The following SHC4 variants were observed in gnomAD, a reference collection of about 807,000 sequenced individuals.
The protein encoded by SHC4 is SHC-transforming protein 4.
SHC4 carries 41 observed loss-of-function variants against 69.4 expected under a neutral mutation model. That is an observed-to-expected ratio of 0.59 (90% confidence interval 0.46 to 0.77). The LOEUF is 0.77. SHC4 is among the 30% of genes least tolerant of loss of function. The pLI, the probability that SHC4 is intolerant of heterozygous loss-of-function variation, is 0.00. For synonymous variants in SHC4, 318 were observed against 299.3 expected (o/e 1.06, Z -0.64); for missense variants, 777 against 783.8 (o/e 0.99, Z 0.10).
Position 48,962,734 on chromosome 15 carries a change from C to T in SHC4, c.282G>A (p.Lys94=). 2 of 1,613,658 alleles carry T rather than the reference C, an allele frequency of 1.2e-6. No homozygotes were observed. The highest frequency in any genetic ancestry group is 1.7e-6 in the Non-Finnish European group (2 of 1,180,018). The change falls in exon 1 of 12, where the codon AAG becomes AAA. Residue 94 remains lysine (K), a synonymous_variant. Coordinates refer to ENST00000332408, the MANE Select transcript of SHC4 (RefSeq NM_203349.4). The part of the protein sequence containing the change: ...CTLIPRMASM[K]LANPATLLSL... ...TCAGCAAAGTGGCCGGGTTGGCCAG[C>T]TTCATGCTTGCCATGCGGGGGATCA...
At chr15:48,885,100 C>T (rs1390061528) in intron 3 of SHC4, among the ~76,000 whole-genome samples, 1 of 152,086 alleles carries the variant, frequency 6.6e-6, no homozygotes, top group Non-Finnish European at 1.5e-5. Flanking sequence ...AATTCTGAAC[C>T]AGTCATTTCT....
At chr15:48,907,386 C>G (rs1900423487) in intron 2 of SHC4, among the ~76,000 whole-genome samples, 1 of 151,760 alleles carries the variant, frequency 6.6e-6, no homozygotes, top group Non-Finnish European at 1.5e-5. Context: ...TCATGCCCAG[C>G]TAATTTTTGT....
intron 2 of SHC4, among the ~76,000 whole-genome samples, chr15:48,892,120 G>T (rs1253826890): frequency 2.0e-5 from 3 of 152,036 alleles, no homozygotes; most frequent in Admixed American, 6.5e-5. Context: ...CTCCTAAAGT[G>T]TTGGGACTAC....
intron 6 of SHC4, among the ~76,000 whole-genome samples, chr15:48,858,253 T>C (rs1462449402): frequency 5.9e-5 from 9 of 152,100 alleles, no homozygotes; most frequent in Admixed American, 5.2e-4. Context: ...ACTTTCCAAA[T>C]CCCTTCCAAA....
intron 2 of SHC4, among the ~76,000 whole-genome samples, chr15:48,899,479 A>G (rs1246444062): frequency 6.6e-6 from 1 of 152,202 alleles, no homozygotes; most frequent in Non-Finnish European, 1.5e-5. Context: ...AAATAAATAA[A>G]TGAATAAATA....
At chr15:48,828,192 C>T (rs1332747299) in intron 11 of SHC4, among the ~76,000 whole-genome samples, 1 of 151,506 alleles carries the variant, frequency 6.6e-6, no homozygotes. Flanking sequence ...TTTAAGTGTA[C>T]AGTACAGTAT....
At chr15:48,878,150 T>C in intron 4 of SHC4, 1 of 1,519,590 alleles carries the variant, frequency 6.6e-7, no homozygotes, top group Non-Finnish European at 8.8e-7. Context: ...CTGGAAGCTT[T>C]TTCCTAGAGG....
chr15:48,960,346 G>A (rs1361927176), intron 1 of SHC4, among the ~76,000 whole-genome samples: 1 of 152,168 alleles, frequency 6.6e-6, no homozygotes, highest in Non-Finnish European at 1.5e-5. Context: ...GTGATGGTAA[G>A]GCAAGTGCAG....
At chr15:48,832,884 A>T (rs1201942012) in intron 11 of SHC4, among the ~76,000 whole-genome samples, 1 of 151,734 alleles carries the variant, frequency 6.6e-6, no homozygotes, top group African/African-American at 2.4e-5. Flanking sequence ...TCAGGTCCAA[A>T]ATTTCTGTCT....
chr15:48,870,039 G>A (rs1899638405), intron 5 of SHC4, among the ~76,000 whole-genome samples: 1 of 152,206 alleles, frequency 6.6e-6, no homozygotes, highest in South Asian at 2.1e-4. Flanking sequence ...TTCAGGGCAT[G>A]CCTTGAGTAA....
At chr15:48,916,632 C>T (rs1247994771) in intron 2 of SHC4, among the ~76,000 whole-genome samples, 14 of 151,552 alleles carry the variant, frequency 9.2e-5, no homozygotes, top group Admixed American at 9.2e-4. Flanking sequence ...CCACGAGGCA[C>T]AGGTAGAGAT....
chr15:48,862,824 A>C (rs529382273), intron 6 of SHC4, among the ~76,000 whole-genome samples: 1 of 152,044 alleles, frequency 6.6e-6, no homozygotes, highest in African/African-American at 2.4e-5. Flanking sequence ...GTTAGGTAAT[A>C]CTCATTTCTT....
chr15:48,893,544 G>C (rs143798729), intron 2 of SHC4, among the ~76,000 whole-genome samples: 72 of 152,262 alleles, frequency 4.7e-4, no homozygotes, highest in African/African-American at 1.6e-3. Context: ...GCCATAGTTT[G>C]TTGACCCCTG....
At chr15:48,929,147 C>T (rs1289050706) in intron 1 of SHC4, among the ~76,000 whole-genome samples, 2 of 152,064 alleles carry the variant, frequency 1.3e-5, no homozygotes, top group East Asian at 1.9e-4. Context: ...TAAAAAACAC[C>T]GTGGTGAGGA....
intron 1 of SHC4, among the ~76,000 whole-genome samples, chr15:48,944,660 T>C (rs1901242017): frequency 6.6e-6 from 1 of 152,200 alleles, no homozygotes; most frequent in African/African-American, 2.4e-5. Flanking sequence ...ACTCCAGTTA[T>C]TTGAGTTTTG....
At chr15:48,939,669 C>A (rs1717293593) in intron 1 of SHC4, among the ~76,000 whole-genome samples, 1 of 152,202 alleles carries the variant, frequency 6.6e-6, no homozygotes, top group Admixed American at 6.5e-5. Flanking sequence ...AGGCCACCCT[C>A]GCTTAGATGT....
chr15:48,884,962 A>G (rs1251520778), intron 3 of SHC4, among the ~76,000 whole-genome samples: 1 of 152,232 alleles, frequency 6.6e-6, no homozygotes, highest in Admixed American at 6.5e-5. Flanking sequence ...GTTAAACTGA[A>G]CAAATATTAC....
chr15:48,856,045 G>A lies in SHC4; in HGVS notation c.1150C>T (p.Pro384Ser). The change falls in exon 8 of 12, where the codon CCA (proline) becomes TCA (serine). Residue 384 changes from proline to serine, a missense_variant. Coordinates refer to ENST00000332408, the MANE Select transcript of SHC4 (RefSeq NM_203349.4). ...YYNEIPGKQP[P>S]VGGVSDMRIK... ...CGCATATCTGAAACACCACCTACTG[G>A]TGGCTGCTTCCCTGGAATTTCATTG... is the stretch of plus-strand genomic sequence containing the variant. The A allele has an allele frequency of 6.2e-7, 1 of 1,613,912 alleles. No homozygotes were observed. The highest frequency in any genetic ancestry group is 8.5e-7 in the Non-Finnish European group (1 of 1,179,886).
At chr15:48,934,477 C>T (rs1196364332) in intron 1 of SHC4, among the ~76,000 whole-genome samples, 5 of 152,216 alleles carry the variant, frequency 3.3e-5, no homozygotes, top group Admixed American at 3.3e-4. Flanking sequence ...GAAACTGGAA[C>T]CATCATACAT....
Sources: gnomAD v4.1 joint callset for allele counts (sites outside exome capture counted in the v4.1 genomes callset) on GRCh38, gnomAD v4.1.1 for gene constraint, MANE v1.5 for transcripts, NCBI Gene and HGNC (gene_info 2026-07-23, HGNC 2026-07-21) for gene names.